Variants in BMP6 observed in about 807,000 individuals in gnomAD.
BMP6 encodes the protein VG-1-R.
Under a neutral mutation model 54.1 loss-of-function variants are expected in BMP6, and 17 were observed. The observed-to-expected ratio is 0.31, with a 90% confidence interval of 0.22 to 0.47. The LOEUF (loss-of-function observed/expected upper bound fraction) is 0.47. Ranked by LOEUF, BMP6 falls within the 20% of genes least tolerant of loss-of-function variation. The probability of loss-of-function intolerance (pLI) is 1.00; values close to 1 mark genes in which losing one functional copy is unlikely to be tolerated. For synonymous variants in BMP6, 328 were observed against 291.2 expected, an observed-to-expected ratio of 1.13 and a Z score of -1.28; for missense variants, 720 against 690.4, an observed-to-expected ratio of 1.04 and a Z score of -0.48.
At chr6:7,764,268 A>G (rs947897583) in intron 1 of BMP6, among the ~76,000 whole-genome samples, 5 of 152,230 alleles carry the variant, frequency 3.3e-5, no homozygotes, top group East Asian at 3.8e-4. Flanking sequence ...CCTTTGTTTA[A>G]CATACAAGAC....
chr6:7,776,342 A>G (rs1295304896), intron 1 of BMP6, among the ~76,000 whole-genome samples: 1 of 152,254 alleles, frequency 6.6e-6, no homozygotes, highest in Non-Finnish European at 1.5e-5. Context: ...AGGAGATTTT[A>G]TAGAGACTTT....
chr6:7,772,758 C>T (rs1431417113), intron 1 of BMP6, among the ~76,000 whole-genome samples: 1 of 152,218 alleles, frequency 6.6e-6, no homozygotes, highest in African/African-American at 2.4e-5. Context: ...TTGGGGAGAA[C>T]ATGTCCTGTC....
At chr6:7,829,748 G>C (rs186271229) in intron 1 of BMP6, among the ~76,000 whole-genome samples, 1 of 152,124 alleles carries the variant, frequency 6.6e-6, no homozygotes, top group South Asian at 2.1e-4. Flanking sequence ...ACTGTTGGGC[G>C]TCTGCAGAGC....
At chr6:7,753,462 G>C (rs1035715056) in intron 1 of BMP6, among the ~76,000 whole-genome samples, 1 of 152,174 alleles carries the variant, frequency 6.6e-6, no homozygotes, top group African/African-American at 2.4e-5. Context: ...GCATTTACAA[G>C]ACCCCTAGGT....
In BMP6 at chr6:7,780,050, A is replaced by G. The variant is rs1400524852; in HGVS notation, c.664+52431A>G. On this transcript the variant is annotated intron_variant, in intron 1 of 6. Transcript: ENST00000283147. ...TGTGGTTGAGGATGTGTTTGAGTTA[A>G]GTAGGCTCTAGATAGCACACACACT... 2.6e-5 allele frequency among the ~76,000 whole-genome samples: 4 copies of G among 152,188 alleles called. No individual in the cohort carries two copies. The East Asian group carries it at 5.8e-4, about 22-fold the overall frequency.
At chr6:7,761,996 A>G (rs1329120219) in intron 1 of BMP6, among the ~76,000 whole-genome samples, 1 of 152,046 alleles carries the variant, frequency 6.6e-6, no homozygotes, top group African/African-American at 2.4e-5. Context: ...ATCTCAGCTC[A>G]CTGCAACCTC....
chr6:7,735,070 G>C (rs1447926659), intron 1 of BMP6, among the ~76,000 whole-genome samples: 1 of 152,228 alleles, frequency 6.6e-6, no homozygotes, highest in Non-Finnish European at 1.5e-5. Context: ...GCCACGGGGG[G>C]AAGTGGAGTG....
At chr6:7,744,072 C>T (rs976279064) in intron 1 of BMP6, among the ~76,000 whole-genome samples, 4 of 152,188 alleles carry the variant, frequency 2.6e-5, no homozygotes, top group Non-Finnish European at 5.9e-5. Flanking sequence ...TGTATACCCT[C>T]CACTTAGATT....
At chr6:7,748,780 C>T (rs985545551) in intron 1 of BMP6, among the ~76,000 whole-genome samples, 4 of 152,118 alleles carry the variant, frequency 2.6e-5, no homozygotes, top group East Asian at 1.9e-4. Context: ...ATTCCTTAGT[C>T]GTGCAATTTC....
chr6:7,847,857 T>C (rs1431747701), intron 2 of BMP6, among the ~76,000 whole-genome samples: 3 of 152,218 alleles, frequency 2.0e-5, no homozygotes, highest in African/African-American at 7.2e-5. Flanking sequence ...GCTACTTGAA[T>C]AGACGGTACT....
chr6:7,754,974 T>G (rs1561760758), intron 1 of BMP6, among the ~76,000 whole-genome samples: 1 of 152,098 alleles, frequency 6.6e-6, no homozygotes, highest in African/African-American at 2.4e-5. Context: ...TGCCTTGGCC[T>G]CCCAAAGTGC....
At chr6:7,785,296 T>C (rs570090397) in intron 1 of BMP6, among the ~76,000 whole-genome samples, 9 of 152,384 alleles carry the variant, frequency 5.9e-5, no homozygotes, top group African/African-American at 2.2e-4. Flanking sequence ...CTGTAATTAA[T>C]ATAGCTGGGA....
At chr6:7,836,164 A>AT (rs1328261415) in intron 1 of BMP6, among the ~76,000 whole-genome samples, 1 of 152,030 alleles carries the variant, frequency 6.6e-6, no homozygotes, top group Non-Finnish European at 1.5e-5. Context: ...AGTGAAATTA[A>AT]TACCTATATT....
At chr6:7,822,768 A>G (rs913546284) in intron 1 of BMP6, among the ~76,000 whole-genome samples, 1 of 152,156 alleles carries the variant, frequency 6.6e-6, no homozygotes, top group Non-Finnish European at 1.5e-5. Context: ...GAGACTTTCA[A>G]AAACCTGAGT....
At chr6:7,727,942 C>G (rs1025231191) in intron 1 of BMP6, among the ~76,000 whole-genome samples, 2 of 151,728 alleles carry the variant, frequency 1.3e-5, no homozygotes, top group Non-Finnish European at 2.9e-5. Context: ...TTTTTCACTT[C>G]TGCCCAGCTC....
Position 7,780,922 on chromosome 6 carries a change from G to T in BMP6, c.664+53303G>T, listed in dbSNP as rs184573732. On this transcript the variant is annotated intron_variant, in intron 1 of 6. Transcript: ENST00000283147. ...GATGGAGTTTCAACATGTTGCCCAG[G>T]CTGGTCTCAAACTCCTGAGCTCAAG... 9.5e-4 allele frequency among the ~76,000 whole-genome samples: 145 copies of T among 152,142 alleles called. 1 individual carries two copies. Among genetic ancestry groups the T allele is most frequent in the African/African-American group, 3.4e-3 (142 of 41,504 alleles).
chr6:7,879,953 A>C, intron 5 of BMP6, 38 bp from the exon 6 acceptor site: 3 of 1,576,628 alleles, frequency 1.9e-6, no homozygotes, highest in Non-Finnish European at 2.6e-6. Flanking sequence ...TGAGAAGTGC[A>C]TGCTCATCTT....
chr6:7,847,490 G>A (rs1359647666), intron 2 of BMP6, among the ~76,000 whole-genome samples: 2 of 152,118 alleles, frequency 1.3e-5, no homozygotes, highest in African/African-American at 4.8e-5. Flanking sequence ...GGGTGTCTTG[G>A]CTGAAAACAA....
intron 1 of BMP6, among the ~76,000 whole-genome samples, chr6:7,780,856 AC>A (rs1343264876): frequency 6.6e-6 from 1 of 151,580 alleles, no homozygotes; most frequent in East Asian, 1.9e-4. Context: ...GACTACAGGC[AC>A]CCCCTACCAC....
Sources: gnomAD v4.1 joint callset for allele counts (sites outside exome capture counted in the v4.1 genomes callset) on GRCh38, gnomAD v4.1.1 for gene constraint, MANE v1.5 for transcripts, NCBI Gene and HGNC (gene_info 2026-07-23, HGNC 2026-07-21) for gene names.